Variants in DOCK4 observed in about 807,000 individuals in gnomAD.
The protein encoded by DOCK4 is dedicator of cytokinesis 4, also known as dedicator of cytokinesis protein 4.
Under a neutral mutation model 268.1 loss-of-function variants are expected in DOCK4, and 97 were observed. The ratio of observed to expected loss-of-function variants is 0.36; its 90% CI spans 0.31 to 0.43. The LOEUF (loss-of-function observed/expected upper bound fraction) is 0.43. Among genes scored for constraint, DOCK4 ranks in the 20% least tolerant of loss-of-function variants. The pLI, the probability that DOCK4 is intolerant of heterozygous loss-of-function variation, is 1.00. For synonymous variants in DOCK4, 954 were observed against 887.2 expected (o/e 1.08, Z -1.34); for missense variants, 2,145 against 2,455.7 (o/e 0.87, Z 2.67).
At chr7:111,958,223 A>G (rs1382099852) in intron 8 of DOCK4, among the ~76,000 whole-genome samples, 1 of 152,150 alleles carries the variant, frequency 6.6e-6, no homozygotes, top group Non-Finnish European at 1.5e-5. Flanking sequence ...GCGCACTACA[A>G]GGTGCTGAAA....
At chr7:112,120,927 T>C (rs930304863) in intron 1 of DOCK4, among the ~76,000 whole-genome samples, 1 of 152,128 alleles carries the variant, frequency 6.6e-6, no homozygotes, top group African/African-American at 2.4e-5. Flanking sequence ...CATTTGACTG[T>C]AGGGGGATTG....
intron 1 of DOCK4, among the ~76,000 whole-genome samples, chr7:112,069,904 G>T (rs958074236): frequency 2.0e-5 from 3 of 152,176 alleles, no homozygotes; most frequent in Admixed American, 6.5e-5. Flanking sequence ...AAACAAAAGG[G>T]CACGTGCAGC....
chr7:111,825,924 A>G (rs1282965618), intron 26 of DOCK4, among the ~76,000 whole-genome samples: 1 of 152,214 alleles, frequency 6.6e-6, no homozygotes, highest in Non-Finnish European at 1.5e-5. Context: ...ACTAACATGT[A>G]CTGATTTATA....
chr7:111,791,909 A>G (rs1799576235), intron 30 of DOCK4, among the ~76,000 whole-genome samples: 1 of 152,184 alleles, frequency 6.6e-6, no homozygotes, highest in Non-Finnish European at 1.5e-5. Context: ...CACAACTTAC[A>G]TAAAAATTTA....
intron 1 of DOCK4, among the ~76,000 whole-genome samples, chr7:112,011,035 C>A (rs1383725151): frequency 6.6e-6 from 1 of 152,152 alleles, no homozygotes; most frequent in Non-Finnish European, 1.5e-5. Flanking sequence ...AGTCCTCGAA[C>A]CCTAGCACCC....
intron 21 of DOCK4, among the ~76,000 whole-genome samples, chr7:111,868,706 G>A (rs763442008): frequency 2.2e-5 from 3 of 136,042 alleles, no homozygotes; most frequent in Non-Finnish European, 4.7e-5. Context: ...GCAAAATTCC[G>A]TCTAAAAAAA....
At chr7:111,891,605 A>T (rs1486223841) in intron 16 of DOCK4, among the ~76,000 whole-genome samples, 4 of 152,198 alleles carry the variant, frequency 2.6e-5, no homozygotes, top group Non-Finnish European at 2.9e-5. Flanking sequence ...AAAAAATACC[A>T]ACATGTGTGG....
At chr7:111,969,248 A>C (rs1229429105) in intron 8 of DOCK4, among the ~76,000 whole-genome samples, 2 of 151,768 alleles carry the variant, frequency 1.3e-5, no homozygotes, top group African/African-American at 4.8e-5. Context: ...ACAAACAAAT[A>C]ATGACTGAAA....
chr7:111,962,363 T>C (rs1586508298), intron 8 of DOCK4, among the ~76,000 whole-genome samples: 1 of 152,314 alleles, frequency 6.6e-6, no homozygotes, highest in Admixed American at 6.5e-5. Flanking sequence ...TAGAAAGTAT[T>C]ACACTAAATT....
At chr7:111,743,850 C>T (rs1248643416) in intron 44 of DOCK4, among the ~76,000 whole-genome samples, 1 of 152,142 alleles carries the variant, frequency 6.6e-6, no homozygotes, top group African/African-American at 2.4e-5. Context: ...GACAGAGTCT[C>T]ACTCTGCTGC....
intron 11 of DOCK4, 134 bp from the exon 12 acceptor site, chr7:111,935,762 T>G: frequency 1.4e-6 from 1 of 709,320 alleles, no homozygotes; most frequent in Non-Finnish European, 2.4e-6. Flanking sequence ...CTGCTGCAAC[T>G]GACTGTCAGT....
At chr7:112,157,859 G>A (rs925773136) in intron 1 of DOCK4, among the ~76,000 whole-genome samples, 2 of 152,138 alleles carry the variant, frequency 1.3e-5, no homozygotes, top group African/African-American at 2.4e-5. Context: ...ACTTGATCCC[G>A]TGTGACCAAT....
intron 51 of DOCK4, among the ~76,000 whole-genome samples, chr7:111,734,631 G>GT (rs1432852645): frequency 5.9e-5 from 9 of 152,312 alleles, no homozygotes; most frequent in African/African-American, 1.9e-4. Context: ...CTTATGGAGC[G>GT]TAACTGTTAG....
At chr7:111,758,580 C>A (rs1399991780) in intron 41 of DOCK4, 44 bp downstream of exon 41, 16 of 1,604,056 alleles carry the variant, frequency 1.0e-5, no homozygotes, top group Non-Finnish European at 1.3e-5. Flanking sequence ...AAGGGGCTCG[C>A]AGTCTATCTG....
At chr7:112,112,439 C>T (rs538967047) in intron 1 of DOCK4, among the ~76,000 whole-genome samples, 27 of 152,092 alleles carry the variant, frequency 1.8e-4, no homozygotes, top group African/African-American at 2.7e-4. Context: ...GTCAGGAGTT[C>T]GAGACCAGCC....
chr7:111,750,589 G>C (rs1165619777), intron 42 of DOCK4, among the ~76,000 whole-genome samples: 1 of 152,170 alleles, frequency 6.6e-6, no homozygotes, highest in Admixed American at 6.5e-5. Flanking sequence ...TGGGGAAGAA[G>C]GACCTAGCAG....
chr7:111,732,100 C>T, intron 52 of DOCK4, 126 bp downstream of exon 52: 1 of 938,766 alleles, frequency 1.1e-6, no homozygotes, highest in South Asian at 1.7e-5. Flanking sequence ...CTTCCCCTAT[C>T]CCTGATTGAT....
chr7:112,042,227 T>A (rs1174980267), intron 1 of DOCK4, among the ~76,000 whole-genome samples: 1 of 152,212 alleles, frequency 6.6e-6, no homozygotes, highest in Non-Finnish European at 1.5e-5. Context: ...TATCTGAGGA[T>A]GCTTATTCCT....
At chr7:112,132,439 C>T (rs899170682) in intron 1 of DOCK4, among the ~76,000 whole-genome samples, 11 of 152,138 alleles carry the variant, frequency 7.2e-5, no homozygotes, top group Non-Finnish European at 1.3e-4. Flanking sequence ...AGCCTTGTGG[C>T]AGCTCACACA....
Sources: gnomAD v4.1 joint callset for allele counts (sites outside exome capture counted in the v4.1 genomes callset) on GRCh38, gnomAD v4.1.1 for gene constraint, MANE v1.5 for transcripts, NCBI Gene and HGNC (gene_info 2026-07-23, HGNC 2026-07-21) for gene names.